The following CACNB2 variants were observed in gnomAD, a reference collection of about 807,000 sequenced individuals.
CACNB2 encodes the protein calcium voltage-gated channel auxiliary subunit beta 2.
Under a neutral mutation model 73.3 loss-of-function variants are expected in CACNB2, and 42 were observed. That is an observed-to-expected ratio of 0.57 (90% CI 0.45 to 0.74). The LOEUF (loss-of-function observed/expected upper bound fraction) is 0.74. Among genes scored for constraint, CACNB2 ranks in the 30% least tolerant of loss-of-function variants. The pLI is 0.00. For missense variants in CACNB2, 940 were observed against 853.0 expected, an observed-to-expected ratio of 1.10 and a Z score of -1.27; for synonymous variants, 348 against 310.3, an observed-to-expected ratio of 1.12 and a Z score of -1.28.
intron 3 of CACNB2, among the ~76,000 whole-genome samples, chr10:18,450,439 T>G (rs2046960514): frequency 6.6e-6 from 1 of 152,048 alleles, no homozygotes; most frequent in Non-Finnish European, 1.5e-5. Context: ...GTGAATAATG[T>G]CGAAACAGTG....
chr10:18,415,175 G>A (rs905334356), intron 3 of CACNB2, among the ~76,000 whole-genome samples: 3 of 152,142 alleles, frequency 2.0e-5, no homozygotes, highest in Admixed American at 2.0e-4. Context: ...CAGACTTAAA[G>A]CACTGTAGGC....
intron 2 of CACNB2, among the ~76,000 whole-genome samples, chr10:18,209,395 T>A (rs1484127181): frequency 7.9e-5 from 12 of 152,204 alleles, no homozygotes; most frequent in Non-Finnish European, 1.8e-4. Context: ...TCAAAGTCTG[T>A]CTATTTTTAG....
rs1276629612 is a variant in CACNB2, at chr10:18,335,015, C to A, written c.214-66909C>A. On this transcript the variant is annotated intron_variant, in intron 2 of 13. Transcript: ENST00000324631. ...AATTATTTCATAACTAGGAAAAAAA[C>A]CGTGAAAACATGCTATTTTAATATA... Among the ~76,000 whole-genome samples the A allele has an allele frequency of 1.1e-4, 17 of 151,680 alleles. 1 individual carries two copies. Among genetic ancestry groups the A allele is most frequent in the Non-Finnish European group, 1.5e-5 (1 of 67,942 alleles).
rs762982462 is a variant in CACNB2 at position 18,464,418 on chromosome 10, T to TAAAAAAAAAAAAAAAAAAAA, written c.334-33934_334-33915dup. Among the ~76,000 whole-genome samples the TAAAAAAAAAAAAAAAAAAAA allele has an allele frequency of 5.2e-3, 444 of 85,138 alleles. 7 individuals carry two copies. Among genetic ancestry groups the TAAAAAAAAAAAAAAAAAAAA allele is most frequent in the East Asian group, 0.013 (31 of 2,472 alleles). The allele number at this position is 85,138 out of a possible 152,430, so 55.9% of individuals were successfully genotyped here. A position where few individuals can be genotyped will look rare whatever the true frequency, so the allele number is the denominator to read the frequency against. On this transcript the variant is annotated intron_variant, in intron 3 of 13. Transcript: ENST00000324631. ...CAGAGTGAGACCCTGTCTCAAAAAT[T>TAAAAAAAAAAAAAAAAAAAA]AAAAAAAAAAAAAAAAAAAAAAGAA...
chr10:18,441,134 G>A (rs1353744637), intron 3 of CACNB2, among the ~76,000 whole-genome samples: 1 of 152,224 alleles, frequency 6.6e-6, no homozygotes. Flanking sequence ...GCTGGGTGTG[G>A]TGGCTCACGC....
intron 3 of CACNB2, among the ~76,000 whole-genome samples, chr10:18,438,592 A>C (rs2046264960): frequency 1.3e-5 from 2 of 152,190 alleles, no homozygotes; most frequent in African/African-American, 4.8e-5. Flanking sequence ...CCAGTTATCC[A>C]TCTGTTCTCC....
chr10:18,212,332 C>T (rs1274943294), intron 2 of CACNB2, among the ~76,000 whole-genome samples: 2 of 149,968 alleles, frequency 1.3e-5, no homozygotes, highest in Non-Finnish European at 3.0e-5. Context: ...TGCTTTTATA[C>T]CTTGACTTGA....
chr10:18,338,129 A>G (rs1280340214), intron 2 of CACNB2, among the ~76,000 whole-genome samples: 1 of 152,258 alleles, frequency 6.6e-6, no homozygotes, highest in Non-Finnish European at 1.5e-5. Context: ...ATGAAAAGGC[A>G]GCCTGTGGGT....
intron 2 of CACNB2, among the ~76,000 whole-genome samples, chr10:18,336,714 G>A (rs886428318): frequency 1.3e-5 from 2 of 152,114 alleles, no homozygotes; most frequent in African/African-American, 4.8e-5. Flanking sequence ...ATTTATATTG[G>A]ACGAATTCAT....
chr10:18,417,437 C>G (rs1003500679), intron 3 of CACNB2, among the ~76,000 whole-genome samples: 1 of 139,996 alleles, frequency 7.1e-6, no homozygotes, highest in Non-Finnish European at 1.5e-5. Context: ...GGCGCGATCT[C>G]GGCTCACTGC....
intron 2 of CACNB2, among the ~76,000 whole-genome samples, chr10:18,175,505 T>G (rs1316031954): frequency 6.6e-6 from 1 of 152,184 alleles, no homozygotes; most frequent in Non-Finnish European, 1.5e-5. Flanking sequence ...TCTTATTCAC[T>G]TAAGTCTTTA....
At chr10:18,262,539 G>T (rs924261677) in intron 2 of CACNB2, among the ~76,000 whole-genome samples, 2 of 152,296 alleles carry the variant, frequency 1.3e-5, no homozygotes, top group South Asian at 4.1e-4. Context: ...CATCTGCAGG[G>T]ATAGATGGTT....
chr10:18,425,112 A>G (rs1251820688), intron 3 of CACNB2, among the ~76,000 whole-genome samples: 4 of 152,198 alleles, frequency 2.6e-5, no homozygotes, highest in Non-Finnish European at 5.9e-5. Context: ...TACTTTTCAT[A>G]TATTAACCTT....
chr10:18,539,776 A>T lies in CACNB2; in HGVS notation c.*52A>T, dbSNP rs770845806. ...TTTTTTTTTGAAGTCTTGTATAACT[A>T]ACAGCATCCCCAAAACAAAGTCTTT... On this transcript the variant is annotated 3_prime_UTR_variant, in exon 14 of 14. Transcript: ENST00000324631. 1.9e-5 allele frequency: 30 copies of T among 1,543,064 alleles called. No homozygotes were observed. The highest frequency in any genetic ancestry group is 2.3e-5 in the Non-Finnish European group (26 of 1,148,032).
chr10:18,331,659 C>G (rs868083612), intron 2 of CACNB2, among the ~76,000 whole-genome samples: 1 of 152,082 alleles, frequency 6.6e-6, no homozygotes, highest in Admixed American at 6.6e-5. Context: ...TCACTAGCCT[C>G]CCTCTAGGTG....
intron 3 of CACNB2, among the ~76,000 whole-genome samples, chr10:18,497,044 C>T (rs1308248408): frequency 6.6e-6 from 1 of 150,878 alleles, no homozygotes; most frequent in African/African-American, 2.4e-5. Context: ...AACCCTGTCT[C>T]TTCTAAAAAT....
intron 2 of CACNB2, among the ~76,000 whole-genome samples, chr10:18,236,700 T>C (rs2036459614): frequency 6.6e-6 from 1 of 152,182 alleles, no homozygotes; most frequent in African/African-American, 2.4e-5. Context: ...TGACAGTCTC[T>C]GCCTCATAAT....
intron 2 of CACNB2, among the ~76,000 whole-genome samples, chr10:18,295,197 A>G (rs1464817261): frequency 1.3e-5 from 2 of 152,220 alleles, no homozygotes; most frequent in African/African-American, 4.8e-5. Context: ...CAGCACTTCC[A>G]ATAACAATGC....
In CACNB2 at chr10:18,519,031, G is replaced by C. The variant is rs1322438179; in HGVS notation, c.944+63G>C. The C allele has an allele frequency of 2.2e-6, 3 of 1,386,524 alleles. No individual in the cohort carries two copies. The East Asian group carries it at 6.9e-5, about 32-fold the overall frequency. 85.9% of individuals were successfully genotyped at this position (1,386,524 alleles called of 1,614,324 possible). On this transcript the variant is annotated intron_variant, in intron 9 of 13. Coordinates refer to ENST00000324631, the MANE Select transcript of CACNB2 (RefSeq NM_201596.3). ...CTTAAAGATGGCAAAACGCTGGTGG[G>C]ACATGCGTGTGATTCCAAGAGAAAA...
Sources: allele counts gnomAD v4.1 joint callset (sites outside exome capture counted in the v4.1 genomes callset), GRCh38; gene constraint gnomAD v4.1.1; transcripts MANE v1.5; gene names NCBI Gene and HGNC (gene_info 2026-07-23, HGNC 2026-07-21).